Variants in MAN1A1 observed in about 807,000 individuals in gnomAD.
MAN1A1 encodes the protein mannosidase alpha class 1A member 1.
Under a neutral mutation model 70.8 loss-of-function variants are expected in MAN1A1, and 29 were observed. That is an observed-to-expected ratio of 0.41 (90% confidence interval 0.31 to 0.56). The LOEUF is 0.56. MAN1A1 is among the 20% of genes least tolerant of loss of function. The pLI, the probability that MAN1A1 is intolerant of heterozygous loss-of-function variation, is 0.29. For missense variants in MAN1A1, 747 were observed against 841.3 expected, an observed-to-expected ratio of 0.89 and a Z score of 1.39; for synonymous variants, 349 against 330.1, an observed-to-expected ratio of 1.06 and a Z score of -0.62.
chr6:119,249,087 G>A (rs1038212367), intron 5 of MAN1A1, among the ~76,000 whole-genome samples: 2 of 152,156 alleles, frequency 1.3e-5, no homozygotes, highest in African/African-American at 4.8e-5. Flanking sequence ...GCATTGAACT[G>A]GGGCCGATAA....
At chr6:119,196,214 AT>A (rs1325101043) in intron 8 of MAN1A1, among the ~76,000 whole-genome samples, 4 of 151,910 alleles carry the variant, frequency 2.6e-5, no homozygotes, top group Non-Finnish European at 5.9e-5. Context: ...GCAGCTGGGG[AT>A]TTTTTTTAAA....
chr6:119,325,066 C>T (rs369127916), intron 2 of MAN1A1, among the ~76,000 whole-genome samples: 14 of 152,236 alleles, frequency 9.2e-5, no homozygotes, highest in African/African-American at 3.1e-4. Context: ...AATAATAATC[C>T]TAAGACTCAC....
chr6:119,226,826 A>G (rs1215164672), intron 6 of MAN1A1, among the ~76,000 whole-genome samples: 12 of 138,770 alleles, frequency 8.6e-5, no homozygotes, highest in African/African-American at 2.8e-4. Flanking sequence ...GTGAGCCACC[A>G]GGCCTGGCTA....
At chr6:119,204,478 T>A (rs1252364614) in intron 7 of MAN1A1, among the ~76,000 whole-genome samples, 1 of 152,200 alleles carries the variant, frequency 6.6e-6, no homozygotes, top group African/African-American at 2.4e-5. Context: ...TAAATATTTT[T>A]AGATAAGGAA....
chr6:119,339,034 T>G (rs374438013), intron 2 of MAN1A1, among the ~76,000 whole-genome samples: 2 of 152,306 alleles, frequency 1.3e-5, no homozygotes, highest in South Asian at 2.1e-4. Context: ...AAAATTTCCT[T>G]GTTCTATCTA....
chr6:119,239,814 T>C (rs767259783), intron 6 of MAN1A1, among the ~76,000 whole-genome samples: 2 of 152,150 alleles, frequency 1.3e-5, no homozygotes, highest in Admixed American at 1.3e-4. Flanking sequence ...ATTGTTAGCT[T>C]GTGAGGGAGG....
At chr6:119,243,179 T>C (rs531534710) in intron 6 of MAN1A1, among the ~76,000 whole-genome samples, 46 of 152,082 alleles carry the variant, frequency 3.0e-4, no homozygotes, top group Non-Finnish European at 6.8e-4. Context: ...AGAACATTTT[T>C]AGGATAATTA....
intron 6 of MAN1A1, among the ~76,000 whole-genome samples, chr6:119,241,265 T>G (rs924138640): frequency 3.9e-5 from 6 of 152,174 alleles, no homozygotes; most frequent in African/African-American, 1.4e-4. Flanking sequence ...AAGTGGAAAC[T>G]TTGTGTAACT....
At chr6:119,255,807 CTCTT>C (rs886890748) in intron 5 of MAN1A1, among the ~76,000 whole-genome samples, 1 of 152,164 alleles carries the variant, frequency 6.6e-6, no homozygotes, top group South Asian at 2.1e-4. Context: ...CTTTCACCGT[CTCTT>C]TCTTTCTTCT....
At chr6:119,299,659 T>C (rs944602824) in intron 4 of MAN1A1, among the ~76,000 whole-genome samples, 2 of 152,174 alleles carry the variant, frequency 1.3e-5, no homozygotes, top group Non-Finnish European at 2.9e-5. Context: ...GTTAGTCTAA[T>C]CCTTTCACCT....
In MAN1A1 at chr6:119,290,697, G is replaced by C; in HGVS notation, c.883C>G (p.Leu295Val). Residue 295 changes from leucine (L) to valine (V), a missense_variant, in exon 5 of 13, where the codon CTG becomes GTG. Leu to Val is a conservative substitution (Grantham distance 32, BLOSUM62 1). This residue lies in a region of MAN1A1 where 419 missense variants were observed against 548.2 expected (regional missense o/e 0.76). Transcript: ENST00000368468. The part of the protein sequence containing the change: ...FVGGLLSAYY[L>V]SGEEIFRKKA... ...TTTCATCTTACCTCTTCTCCAGACA[G>C]ATAGTAGGCTGAGAGTAGTCCACCA... is the stretch of plus-strand genomic sequence containing the variant. 1.2e-6 allele frequency: 2 copies of C among 1,609,538 alleles called. No homozygotes were observed. The highest frequency in any genetic ancestry group is 1.7e-6 in the Non-Finnish European group (2 of 1,177,238).
chr6:119,191,047 G>A (rs1773427291), intron 9 of MAN1A1, among the ~76,000 whole-genome samples: 1 of 152,134 alleles, frequency 6.6e-6, no homozygotes, highest in South Asian at 2.1e-4. Flanking sequence ...GAACACACAG[G>A]AAGCTAAAAC....
intron 5 of MAN1A1, among the ~76,000 whole-genome samples, chr6:119,272,223 T>G (rs7763451): frequency 6.6e-6 from 1 of 152,162 alleles, no homozygotes; most frequent in Non-Finnish European, 1.5e-5. Context: ...CATGGTAAAG[T>G]GAGTCTAGAT....
In MAN1A1 at chr6:119,229,214, C is replaced by A. The variant is rs202186465; in HGVS notation, c.992+19046G>T. Among the ~76,000 whole-genome samples the A allele has an allele frequency of 6.9e-4, 95 of 137,608 alleles. 2 individuals carry two copies. In the East Asian group the frequency reaches 0.014, roughly 20 times the overall value. 90.3% of individuals were successfully genotyped at this position (137,608 alleles called of 152,430 possible). On this transcript the variant is annotated intron_variant, in intron 6 of 12. Coordinates refer to ENST00000368468, the MANE Select transcript of MAN1A1 (RefSeq NM_005907.4). ...GTGACTATCAAACTGTGTTCTGAGA[C>A]AAAAAAAAAAAAAACAAAAAATGCA...
chr6:119,208,357 T>C (rs1162501674), intron 6 of MAN1A1, among the ~76,000 whole-genome samples: 1 of 152,238 alleles, frequency 6.6e-6, no homozygotes, highest in South Asian at 2.1e-4. Flanking sequence ...AGGTAATAAA[T>C]ATTTAAAAAG....
At chr6:119,250,255 C>T (rs1775281075) in intron 5 of MAN1A1, among the ~76,000 whole-genome samples, 1 of 152,194 alleles carries the variant, frequency 6.6e-6, no homozygotes, top group Admixed American at 6.5e-5. Context: ...TTTCAAGAAA[C>T]TTACATAAGA....
chr6:119,251,239 A>C (rs1775310019), intron 5 of MAN1A1, among the ~76,000 whole-genome samples: 1 of 152,222 alleles, frequency 6.6e-6, no homozygotes, highest in South Asian at 2.1e-4. Flanking sequence ...TTCTTGTTCA[A>C]GAAATGATAA....
intron 4 of MAN1A1, among the ~76,000 whole-genome samples, chr6:119,297,200 CT>C (rs1392649324): frequency 6.6e-6 from 1 of 152,134 alleles, no homozygotes; most frequent in Non-Finnish European, 1.5e-5. Context: ...CAAATCTGTT[CT>C]GGAAATAGGT....
intron 6 of MAN1A1, among the ~76,000 whole-genome samples, chr6:119,246,294 G>A (rs1775164951): frequency 6.6e-6 from 1 of 152,128 alleles, no homozygotes; most frequent in Non-Finnish European, 1.5e-5. Context: ...AGAGAAGGCT[G>A]GAGTGATCAT....
Sources: allele counts gnomAD v4.1 joint callset (sites outside exome capture counted in the v4.1 genomes callset), GRCh38; gene constraint gnomAD v4.1.1; regional missense constraint gnomAD v4.1.1; transcripts MANE v1.5; gene names NCBI Gene and HGNC (gene_info 2026-07-23, HGNC 2026-07-21).